The following DLC1 variants were observed in gnomAD, a reference collection of about 807,000 sequenced individuals.
The protein encoded by DLC1 is rho GTPase-activating protein 7.
Under a neutral mutation model 140.3 loss-of-function variants are expected in DLC1, and 54 were observed. The ratio of observed to expected loss-of-function variants is 0.38; its 90% CI spans 0.31 to 0.48. The LOEUF (loss-of-function observed/expected upper bound fraction) is 0.48, where lower values mean the gene tolerates loss of function less well. DLC1 is among the 20% of genes least tolerant of loss of function. The probability of loss-of-function intolerance (pLI) is 0.96; values close to 1 mark genes in which losing one functional copy is unlikely to be tolerated. For missense variants in DLC1, 2,536 were observed against 1,907.0 expected, an observed-to-expected ratio of 1.33 and a Z score of -6.14; for synonymous variants, 986 against 728.1, an observed-to-expected ratio of 1.35 and a Z score of -5.70.
In DLC1 at chr8:13,110,737, T is replaced by C. The variant is rs1306665258; in HGVS notation, c.1502+5A>G. 2.5e-6 allele frequency: 4 copies of C among 1,613,190 alleles called. No individual in the cohort carries two copies. On this transcript the variant is annotated splice_donor_5th_base_variant and intron_variant, in intron 7 of 17. Coordinates refer to ENST00000276297, the MANE Select transcript of DLC1 (RefSeq NM_182643.3). ...AAGGAAAACACTCAAAACGTGTCCA[T>C]TTACCTGCATAGAGCCTCAATGGCA... is the stretch of plus-strand genomic sequence containing the variant.
chr8:13,315,033 CT>C (rs1832813194), intron 4 of DLC1, among the ~76,000 whole-genome samples: 1 of 152,180 alleles, frequency 6.6e-6, no homozygotes, highest in Non-Finnish European at 1.5e-5. Context: ...TCTAATGAAA[CT>C]CATCACTTCA....
At chr8:13,270,722 T>C (rs1006149784) in intron 5 of DLC1, among the ~76,000 whole-genome samples, 6 of 152,166 alleles carry the variant, frequency 3.9e-5, no homozygotes, top group Non-Finnish European at 8.8e-5. Context: ...GCCATTGACA[T>C]TTTACCTTTT....
chr8:13,382,366 G>C (rs887718585), intron 4 of DLC1, among the ~76,000 whole-genome samples: 1 of 151,044 alleles, frequency 6.6e-6, no homozygotes, highest in Non-Finnish European at 1.5e-5. Flanking sequence ...AATTAGCCGG[G>C]CGAGGTGGCG....
At chr8:13,435,182 C>G (rs1020275698) in intron 2 of DLC1, among the ~76,000 whole-genome samples, 2 of 152,142 alleles carry the variant, frequency 1.3e-5, no homozygotes, top group Non-Finnish European at 2.9e-5. Flanking sequence ...TGATTCCAAT[C>G]CTCATGGATG....
At chr8:13,597,910 C>A (rs999772236) in intron 1 of DLC1, among the ~76,000 whole-genome samples, 2 of 152,032 alleles carry the variant, frequency 1.3e-5, no homozygotes, top group African/African-American at 4.8e-5. Flanking sequence ...ATCTATGCAA[C>A]AACTAAATTT....
chr8:13,595,264 A>G (rs1159252186), intron 1 of DLC1, among the ~76,000 whole-genome samples: 1 of 152,060 alleles, frequency 6.6e-6, no homozygotes, highest in Non-Finnish European at 1.5e-5. Flanking sequence ...GAAAGACAGT[A>G]GTGTTTCAGA....
chr8:13,469,133 A>T (rs1231249422), intron 2 of DLC1, among the ~76,000 whole-genome samples: 2 of 152,100 alleles, frequency 1.3e-5, no homozygotes, highest in African/African-American at 4.8e-5. Flanking sequence ...TCTGCTTTTT[A>T]TTCCCAGATT....
intron 4 of DLC1, among the ~76,000 whole-genome samples, chr8:13,388,907 G>A (rs1836635687): frequency 6.6e-6 from 1 of 152,058 alleles, no homozygotes; most frequent in Admixed American, 6.5e-5. Flanking sequence ...TGTGCATTGA[G>A]CATTCAAATA....
intron 1 of DLC1, among the ~76,000 whole-genome samples, chr8:13,552,217 G>GGGTTTTCACTCAT: frequency 1.4e-5 from 2 of 138,848 alleles, no homozygotes; most frequent in African/African-American, 5.3e-5. Flanking sequence ...ATATATACCT[G>GGGTTTTCACTCAT]TCTAGACAGA....
rs1674451921 is a variant in DLC1, at chr8:13,099,951, T to TA, written c.2385dup (p.Lys796Ter). 1 of 1,613,178 alleles carries TA rather than the reference T, an allele frequency of 6.2e-7. No homozygotes were observed. On this transcript the variant is annotated frameshift_variant, in exon 9 of 18. Coordinates refer to ENST00000276297, the MANE Select transcript of DLC1 (RefSeq NM_182643.3). LOFTEE classifies it high-confidence loss of function. ...TCCTCTGGGTAGCTCTCGCGGTTCT[T>TA]AAAGTTCTGCTCCACCACGTTGTTA...
chr8:13,304,675 T>G (rs963924374), intron 5 of DLC1: 1 of 950,010 alleles, frequency 1.1e-6, no homozygotes, highest in Non-Finnish European at 1.3e-6. Context: ...GATAGTATGA[T>G]TTTTTAAAAA....
chr8:13,191,020 G>A (rs988139970), intron 5 of DLC1, among the ~76,000 whole-genome samples: 1 of 151,650 alleles, frequency 6.6e-6, no homozygotes, highest in Admixed American at 6.6e-5. Flanking sequence ...TTATATTGGG[G>A]GTGAGATAGA....
chr8:13,502,461 T>C (rs1408350738), intron 1 of DLC1, among the ~76,000 whole-genome samples: 1 of 152,174 alleles, frequency 6.6e-6, no homozygotes, highest in Non-Finnish European at 1.5e-5. Flanking sequence ...TTTAAAAAAA[T>C]GAATGTCTGC....
chr8:13,147,423 C>T (rs1342834139), intron 5 of DLC1, among the ~76,000 whole-genome samples: 2 of 152,176 alleles, frequency 1.3e-5, no homozygotes, highest in East Asian at 3.9e-4. Context: ...TGTTCCTTCT[C>T]TCACTCATTT....
chr8:13,118,756 T>C (rs1820788015), intron 5 of DLC1, among the ~76,000 whole-genome samples: 2 of 152,136 alleles, frequency 1.3e-5, no homozygotes, highest in African/African-American at 2.4e-5. Flanking sequence ...GTCACACAGT[T>C]TCATTCCCCG....
At chr8:13,395,333 G>C (rs1836989045) in intron 3 of DLC1, among the ~76,000 whole-genome samples, 1 of 152,040 alleles carries the variant, frequency 6.6e-6, no homozygotes, top group South Asian at 2.1e-4. Flanking sequence ...ATGTTGGCCA[G>C]ACTGGTCTCG....
At chr8:13,157,193 T>C (rs895633841) in intron 5 of DLC1, among the ~76,000 whole-genome samples, 1 of 152,194 alleles carries the variant, frequency 6.6e-6, no homozygotes, top group Non-Finnish European at 1.5e-5. Context: ...TGAAACTATC[T>C]TTTTCCCTTT....
intron 5 of DLC1, 190 bp downstream of exon 5, chr8:13,305,079 T>A: frequency 1.6e-6 from 2 of 1,269,956 alleles, no homozygotes; most frequent in Non-Finnish European, 2.0e-6. Context: ...ACAATGTCAT[T>A]ATGTCAGAAA....
At chr8:13,103,536 A>C (rs969848546) in intron 7 of DLC1, among the ~76,000 whole-genome samples, 1 of 151,644 alleles carries the variant, frequency 6.6e-6, no homozygotes, top group Non-Finnish European at 1.5e-5. Flanking sequence ...CCGCACATGG[A>C]GCCAAGAAAG....
Sources: allele counts gnomAD v4.1 joint callset (sites outside exome capture counted in the v4.1 genomes callset), GRCh38; gene constraint gnomAD v4.1.1; transcripts MANE v1.5; gene names NCBI Gene and HGNC (gene_info 2026-07-23, HGNC 2026-07-21).